SCTR: variants seen among roughly 807,000 people sequenced by gnomAD.
SCTR encodes the protein secretin receptor.
A neutral mutation model predicts 60.8 loss-of-function variants in SCTR; 56 were observed. The observed-to-expected ratio is 0.92, with a 90% CI of 0.74 to 1.15. The LOEUF is 1.15. Ranked by LOEUF, SCTR falls within the 50% of genes most tolerant of loss-of-function variation. SCTR has a pLI of 0.00. For missense variants in SCTR, 562 were observed against 550.4 expected, an observed-to-expected ratio of 1.02 and a Z score of -0.21; for synonymous variants, 202 against 217.0, an observed-to-expected ratio of 0.93 and a Z score of 0.61.
At chr2:119,484,526 C>G (rs1262433557) in intron 2 of SCTR, among the ~76,000 whole-genome samples, 2 of 152,182 alleles carry the variant, frequency 1.3e-5, no homozygotes, top group Non-Finnish European at 2.9e-5. Context: ...GGGTATGACA[C>G]TTAACCTCTG....
At chr2:119,515,415 T>C (rs1301689971) in intron 1 of SCTR, among the ~76,000 whole-genome samples, 4 of 152,204 alleles carry the variant, frequency 2.6e-5, no homozygotes, top group Admixed American at 2.0e-4. Context: ...AACTGCATAG[T>C]TGGTAAAACA....
rs750735759 is a variant in SCTR, at chr2:119,441,616, G to T, written c.1141-17C>A. ...CACCAGTCCCTGCCAGAAGAAGAGA[G>T]GTAGCAGGGTTAGCACAGGTGCTCA... On this transcript the variant is annotated splice_polypyrimidine_tract_variant and intron_variant, in intron 11 of 12. Transcript: ENST00000019103. 3.7e-6 allele frequency: 6 copies of T among 1,611,990 alleles called. No homozygotes were observed. The African/African-American group carries it at 5.3e-5, about 14-fold the overall frequency.
At chr2:119,494,688 C>T in intron 1 of SCTR, 140 bp from the exon 2 acceptor site, 1 of 854,852 alleles carries the variant, frequency 1.2e-6, no homozygotes. Flanking sequence ...TCCTGGTCTG[C>T]AGGAAAGGTG....
intron 1 of SCTR, among the ~76,000 whole-genome samples, chr2:119,511,504 T>C (rs972182630): frequency 5.9e-5 from 9 of 152,226 alleles, no homozygotes; most frequent in African/African-American, 1.9e-4. Context: ...CTATCATTAT[T>C]GTTTTTTCAT....
chr2:119,495,070 G>A lies in SCTR; in HGVS notation c.73-522C>T, dbSNP rs369349290. Among the ~76,000 whole-genome samples, 4 of 152,104 alleles carry A rather than the reference G, an allele frequency of 2.6e-5. No homozygotes were observed. The East Asian group carries it at 5.8e-4, about 22-fold the overall frequency. ...CCACCTCAGTGCTCCCAGCAGCTAG[G>A]ACTACAGGCCAGGCATGTGCCACCA... On this transcript the variant is annotated intron_variant, in intron 1 of 12. Transcript: ENST00000019103.
chr2:119,478,997 C>G (rs892502834), intron 2 of SCTR, 79 bp from the exon 3 acceptor site: 1 of 1,576,950 alleles, frequency 6.3e-7, no homozygotes, highest in East Asian at 2.3e-5. Flanking sequence ...ATCACCGACA[C>G]CCTTGCCTGC....
At position 119,473,477 on chromosome 2, in the gene SCTR, C is replaced by T. The variant is rs761785677; in HGVS notation, c.381G>A (p.Val127=). The part of the protein sequence containing the change: ...PRPNLACGVN[V]NDSSNEKRHS... ...CCCGCTTCTCGTTGGAAGAGTCGTT[C>T]ACATTAACGCCACAGGCCAGATTAG... Residue 127 remains valine, a synonymous_variant, in exon 4 of 13, where the codon GTG becomes GTA. Transcript: ENST00000019103. The T allele has an allele frequency of 6.2e-7, 1 of 1,612,828 alleles. No individual in the cohort carries two copies. Among genetic ancestry groups the T allele is most frequent in the East Asian group, 2.2e-5 (1 of 44,866 alleles).
chr2:119,523,392 C>CTGT (rs747651805), intron 1 of SCTR, among the ~76,000 whole-genome samples: 3 of 134,268 alleles, frequency 2.2e-5, no homozygotes, highest in African/African-American at 8.4e-5. Flanking sequence ...CATCCTGCCG[C>CTGT]TATTATTATT....
chr2:119,472,865 A>G (rs1378702526), intron 4 of SCTR, among the ~76,000 whole-genome samples: 1 of 152,150 alleles, frequency 6.6e-6, no homozygotes, highest in Non-Finnish European at 1.5e-5. Flanking sequence ...GCCTCAGGCA[A>G]TCCTCCCACC....
chr2:119,494,463 T>G lies in SCTR; in HGVS notation c.158A>C (p.Gln53Pro). Residue 53 changes from glutamine to proline, a missense_variant, in exon 2 of 13, where the codon CAG (glutamine) becomes CCG (proline). Gln to Pro is a moderately conservative substitution (Grantham distance 76, BLOSUM62 -1). Transcript: ENST00000019103. ...CTGCTCCGTGCCCAGGTCTCCTGTC[T>G]GCTCTCTGGAGAGTTCCTGCAGGCA... ...DQCLQELSRE[Q>P]TGDLGTEQPV... 1 of 1,614,042 alleles carries G rather than the reference T, an allele frequency of 6.2e-7. No homozygotes were observed. The highest frequency in any genetic ancestry group is 8.5e-7 in the Non-Finnish European group (1 of 1,179,932).
At chr2:119,482,417 A>C (rs2579627) in intron 2 of SCTR, among the ~76,000 whole-genome samples, 1 of 152,090 alleles carries the variant, frequency 6.6e-6, no homozygotes, top group Non-Finnish European at 1.5e-5. Context: ...GGCAGGCTGC[A>C]ACCATGAGCA....
intron 1 of SCTR, 46 bp from the exon 2 acceptor site, chr2:119,494,594 T>C (rs1322855824): frequency 6.2e-7 from 1 of 1,607,412 alleles, no homozygotes; most frequent in African/African-American, 1.3e-5. Flanking sequence ...ACTAACTCAA[T>C]TTTGCCACAT....
chr2:119,467,848 G>T (rs1482521337), intron 4 of SCTR, among the ~76,000 whole-genome samples: 4 of 152,108 alleles, frequency 2.6e-5, no homozygotes, highest in African/African-American at 9.7e-5. Context: ...TGAAAAAGCA[G>T]AATTCAAACT....
At chr2:119,454,561 A>T (rs1683297938) in intron 7 of SCTR, among the ~76,000 whole-genome samples, 1 of 152,162 alleles carries the variant, frequency 6.6e-6, no homozygotes, top group South Asian at 2.1e-4. Flanking sequence ...AAATAAAAGG[A>T]CGTAAAACAT....
At chr2:119,443,000 G>A (rs1237924027) in intron 11 of SCTR, among the ~76,000 whole-genome samples, 1 of 152,174 alleles carries the variant, frequency 6.6e-6, no homozygotes, top group Non-Finnish European at 1.5e-5. Flanking sequence ...CACCTCACAA[G>A]CGAGGGAACT....
At chr2:119,462,336 C>G (rs542979196) in intron 6 of SCTR, among the ~76,000 whole-genome samples, 177 of 152,280 alleles carry the variant, frequency 1.2e-3, no homozygotes, top group African/African-American at 3.9e-3. Flanking sequence ...TGCCCAATCC[C>G]CTCATTTTTT....
chr2:119,467,040 G>A (rs1683864489), intron 4 of SCTR, among the ~76,000 whole-genome samples: 1 of 152,108 alleles, frequency 6.6e-6, no homozygotes, highest in Non-Finnish European at 1.5e-5. Context: ...CACACTATTG[G>A]CTCATCTTTG....
intron 7 of SCTR, among the ~76,000 whole-genome samples, chr2:119,459,726 T>A (rs1683524266): frequency 6.6e-6 from 1 of 152,208 alleles, no homozygotes; most frequent in South Asian, 2.1e-4. Context: ...AGGTTCTTAT[T>A]ATTTCATTCC....
chr2:119,499,719 A>C (rs1678468672), intron 1 of SCTR, among the ~76,000 whole-genome samples: 1 of 152,124 alleles, frequency 6.6e-6, no homozygotes, highest in South Asian at 2.1e-4. Context: ...TTATTTGAGA[A>C]AATTCAATGT....
Sources: allele counts gnomAD v4.1 joint callset (sites outside exome capture counted in the v4.1 genomes callset), GRCh38; gene constraint gnomAD v4.1.1; transcripts MANE v1.5; gene names NCBI Gene and HGNC (gene_info 2026-07-23, HGNC 2026-07-21).